PTPRD: variants seen among roughly 807,000 people sequenced by gnomAD.
The protein encoded by PTPRD is receptor-type tyrosine-protein phosphatase delta.
A neutral mutation model predicts 214.5 loss-of-function variants in PTPRD; 34 were observed. That is an observed-to-expected ratio of 0.16 (90% CI 0.12 to 0.21). The LOEUF is 0.21. PTPRD is among the 10% of genes least tolerant of loss of function. The pLI, the probability that PTPRD is intolerant of heterozygous loss-of-function variation, is 1.00. For missense variants in PTPRD, 2,545 were observed against 2,398.7 expected (o/e 1.06, Z -1.27); for synonymous variants, 1,128 against 845.7 (o/e 1.33, Z -5.79).
At chr9:9,528,436 A>T (rs79707303) in intron 8 of PTPRD, among the ~76,000 whole-genome samples, 4,863 of 152,262 alleles carry the variant, frequency 0.032, 268 homozygotes, top group African/African-American at 0.11. Context: ...GGTCTAAAGG[A>T]TTGTCAGGAA....
At chr9:9,563,820 T>A (rs752319080) in intron 8 of PTPRD, among the ~76,000 whole-genome samples, 2 of 152,148 alleles carry the variant, frequency 1.3e-5, no homozygotes, top group Non-Finnish European at 2.9e-5. Flanking sequence ...AGAACTAGAA[T>A]TGACTCATAT....
At position 9,064,139 on chromosome 9, in the gene PTPRD, G is replaced by A. The variant is rs2099717852; in HGVS notation, c.-142-45404C>T. On this transcript the variant is annotated intron_variant, in intron 10 of 45. Transcript: ENST00000381196. ...TTGTAGAAAAATAATTTATATAACT[G>A]AGCTTTACAAAACTTAAAGCATAAG... is the stretch of plus-strand genomic sequence containing the variant. 2.6e-5 allele frequency among the ~76,000 whole-genome samples: 4 copies of A among 152,118 alleles called. No homozygotes were observed. In the South Asian group the frequency reaches 8.3e-4, roughly 32 times the overall value.
chr9:9,606,899 C>A (rs1179872815), intron 7 of PTPRD, among the ~76,000 whole-genome samples: 1 of 122,026 alleles, frequency 8.2e-6, no homozygotes, highest in Non-Finnish European at 1.6e-5. Flanking sequence ...GTTCGCCTAA[C>A]AATTAAGGCA....
chr9:8,890,426 C>A (rs2098529053), intron 11 of PTPRD, among the ~76,000 whole-genome samples: 1 of 152,170 alleles, frequency 6.6e-6, no homozygotes, highest in Non-Finnish European at 1.5e-5. Flanking sequence ...TGTCACCTCT[C>A]ATAAATTCAT....
At chr9:10,460,042 G>A (rs900709265) in intron 2 of PTPRD, among the ~76,000 whole-genome samples, 5 of 151,906 alleles carry the variant, frequency 3.3e-5, no homozygotes, top group East Asian at 1.9e-4. Flanking sequence ...AGAGAGTTTC[G>A]GAGATGGATG....
chr9:9,916,902 A>G (rs910745317), intron 5 of PTPRD, among the ~76,000 whole-genome samples: 2 of 151,978 alleles, frequency 1.3e-5, no homozygotes, highest in African/African-American at 4.8e-5. Flanking sequence ...TAAAATGATA[A>G]CAAGAGGAAC....
At chr9:10,246,234 T>G (rs533868058) in intron 3 of PTPRD, among the ~76,000 whole-genome samples, 1 of 152,178 alleles carries the variant, frequency 6.6e-6, no homozygotes, top group Admixed American at 6.6e-5. Flanking sequence ...ACCAACTCGA[T>G]TGGCTATTTT....
Position 8,521,605 on chromosome 9 carries a change from A to G in PTPRD, c.692-59T>C, listed in dbSNP as rs2138931121. 4 of 1,566,010 alleles carry G rather than the reference A, an allele frequency of 2.6e-6. No homozygotes were observed. In the South Asian group the frequency reaches 4.7e-5, roughly 19 times the overall value. On this transcript the variant is annotated intron_variant, in intron 19 of 45. Coordinates refer to ENST00000381196, the MANE Select transcript of PTPRD (RefSeq NM_002839.4). ...ACAAGGCAAGAAAAAGTGGATTATT[A>G]AACACATGACATGCACCGTACAGAC...
intron 10 of PTPRD, among the ~76,000 whole-genome samples, chr9:9,166,544 A>G (rs933999612): frequency 6.6e-6 from 1 of 152,116 alleles, no homozygotes; most frequent in Admixed American, 6.6e-5. Flanking sequence ...TTATGAATCC[A>G]TCATCCCTAC....
chr9:9,795,825 G>T (rs1254752751), intron 5 of PTPRD, among the ~76,000 whole-genome samples: 1 of 151,844 alleles, frequency 6.6e-6, no homozygotes. Flanking sequence ...CAATGTCTGG[G>T]AGTTCCAGAC....
intron 14 of PTPRD, among the ~76,000 whole-genome samples, chr9:8,569,391 C>G (rs548030445): frequency 6.6e-6 from 1 of 152,194 alleles, no homozygotes; most frequent in East Asian, 1.9e-4. Flanking sequence ...AATGAAAATG[C>G]CTATAGTCCT....
intron 10 of PTPRD, among the ~76,000 whole-genome samples, chr9:9,147,482 A>T (rs946159128): frequency 9.2e-5 from 14 of 152,156 alleles, no homozygotes; most frequent in East Asian, 1.9e-4. Flanking sequence ...GGCAAACTAC[A>T]CTAGGACCTG....
chr9:9,882,710 C>G (rs914089230), intron 5 of PTPRD, among the ~76,000 whole-genome samples: 32 of 152,120 alleles, frequency 2.1e-4, no homozygotes, highest in Middle Eastern at 3.4e-3. Context: ...GAAGTCTTGT[C>G]CACATGACCC....
intron 8 of PTPRD, among the ~76,000 whole-genome samples, chr9:9,428,041 G>C (rs1269140738): frequency 2.0e-5 from 3 of 152,100 alleles, no homozygotes; most frequent in African/African-American, 4.8e-5. Context: ...CATAATGACA[G>C]GATCAAATTC....
At chr9:9,898,896 A>T (rs1045850813) in intron 5 of PTPRD, among the ~76,000 whole-genome samples, 3 of 152,072 alleles carry the variant, frequency 2.0e-5, no homozygotes, top group African/African-American at 7.2e-5. Flanking sequence ...GTTTACGCAT[A>T]TCCCATATTC....
At chr9:9,362,910 G>C (rs190524250) in intron 9 of PTPRD, among the ~76,000 whole-genome samples, 199 of 151,278 alleles carry the variant, frequency 1.3e-3, no homozygotes, top group Non-Finnish European at 2.5e-3. Flanking sequence ...CTTTCTTATT[G>C]GTGTAAAGAG....
At chr9:9,671,544 T>C (rs2096832917) in intron 7 of PTPRD, among the ~76,000 whole-genome samples, 1 of 152,040 alleles carries the variant, frequency 6.6e-6, no homozygotes. Flanking sequence ...TTTGGCTGTG[T>C]CCCCCACAAA....
chr9:9,913,613 A>G (rs2079849375), intron 5 of PTPRD, among the ~76,000 whole-genome samples: 1 of 152,152 alleles, frequency 6.6e-6, no homozygotes, highest in Non-Finnish European at 1.5e-5. Context: ...CATCTCCCCA[A>G]CCCTGATCTA....
intron 9 of PTPRD, among the ~76,000 whole-genome samples, chr9:9,298,279 G>A (rs1953895246): frequency 6.6e-6 from 1 of 151,520 alleles, no homozygotes; most frequent in African/African-American, 2.4e-5. Context: ...GTTCTCCATG[G>A]CATCACACAA....
Sources: gnomAD v4.1 joint callset for allele counts (sites outside exome capture counted in the v4.1 genomes callset) on GRCh38, gnomAD v4.1.1 for gene constraint, MANE v1.5 for transcripts, NCBI Gene and HGNC (gene_info 2026-07-23, HGNC 2026-07-21) for gene names.